MGAT4C: variants seen among roughly 807,000 people sequenced by gnomAD.
The protein encoded by MGAT4C is MGAT4 family member C, also known as alpha-1,3-mannosyl-glycoprotein 4-beta-N-acetylglucosaminyltransferase C.
In MGAT4C, 19 loss-of-function variants were observed where a neutral mutation model predicts 40.1. That is an observed-to-expected ratio of 0.47 (90% CI 0.33 to 0.70). MGAT4C has a LOEUF of 0.70. MGAT4C is among the 30% of genes least tolerant of loss of function. The pLI is 0.02. For synonymous variants in MGAT4C, 181 were observed against 187.1 expected, an observed-to-expected ratio of 0.97 and a Z score of 0.27; for missense variants, 491 against 563.2, an observed-to-expected ratio of 0.87 and a Z score of 1.30.
chr12:86,629,066 C>A (rs565744478), intron 2 of MGAT4C, among the ~76,000 whole-genome samples: 3 of 151,542 alleles, frequency 2.0e-5, no homozygotes, highest in African/African-American at 7.3e-5. Context: ...GAAGATCTAC[C>A]AAGCAAATGG....
At chr12:86,314,285 G>A (rs143082202) in intron 4 of MGAT4C, among the ~76,000 whole-genome samples, 3 of 152,186 alleles carry the variant, frequency 2.0e-5, no homozygotes, top group Non-Finnish European at 2.9e-5. Context: ...GGCTGGGCGC[G>A]GTGGCTCACA....
At chr12:86,565,229 T>C (rs1960039325) in intron 2 of MGAT4C, among the ~76,000 whole-genome samples, 1 of 152,034 alleles carries the variant, frequency 6.6e-6, no homozygotes, top group Non-Finnish European at 1.5e-5. Flanking sequence ...ATATATGTGA[T>C]CAGGCTCAAG....
rs558850588 is a variant in MGAT4C, at chr12:86,283,233, T to C, written c.-57+50832A>G. On this transcript the variant is annotated intron_variant, in intron 4 of 7. Coordinates refer to the MGAT4C transcript ENST00000548651. Reference sequence around the variant, plus strand: ...CTTCCAAATAGAAAAGTGATGTAACTGTGAGGTTCACCTCTTGTACTTCTC... The same window carrying C: ...CTTCCAAATAGAAAAGTGATGTAACCGTGAGGTTCACCTCTTGTACTTCTC... Among the ~76,000 whole-genome samples, 18 of 152,202 alleles carry C rather than the reference T, an allele frequency of 1.2e-4. No individual in the cohort carries two copies. In the South Asian group the frequency reaches 3.5e-3, roughly 30 times the overall value.
chr12:86,817,868 T>C (rs997085985), intron 1 of MGAT4C, among the ~76,000 whole-genome samples: 11 of 151,456 alleles, frequency 7.3e-5, no homozygotes, highest in Non-Finnish European at 1.6e-4. Context: ...TACACTAGGA[T>C]AGAGTGTGGG....
Position 85,972,186 on chromosome 12 carries a change from G to T in MGAT4C, c.*7103C>A, listed in dbSNP as rs1883649518. ...TGATATGACTGATTACCAAATTATG[G>T]TGGGTAAAGATGCCACATGCAACAG... is the stretch of plus-strand genomic sequence containing the variant. On this transcript the variant is annotated 3_prime_UTR_variant, in exon 5 of 5. Transcript: ENST00000611864. 2 of 151,034 alleles carry T rather than the reference G, an allele frequency of 1.3e-5. No homozygotes were observed. The highest frequency in any genetic ancestry group is 1.3e-4 in the Admixed American group (2 of 15,112). The allele number at this position is 151,034 out of a possible 1,614,324, so 9.4% of individuals were successfully genotyped here.
rs1435454504 is a variant in MGAT4C at position 86,702,023 on chromosome 12, C to G, written c.-229+25186G>C. On this transcript the variant is annotated intron_variant, in intron 2 of 7. Transcript: ENST00000548651. ...CATTGATGAAGATAGCTACACTAAA[C>G]AACATATTTTTTTCTCTCAAATAAG... Among the ~76,000 whole-genome samples, 3 of 152,032 alleles carry G rather than the reference C, an allele frequency of 2.0e-5. No homozygotes were observed. In the East Asian group the frequency reaches 5.8e-4, roughly 29 times the overall value.
intron 4 of MGAT4C, among the ~76,000 whole-genome samples, chr12:86,327,306 A>AT (rs1242033011): frequency 6.6e-6 from 1 of 151,978 alleles, no homozygotes; most frequent in Non-Finnish European, 1.5e-5. Flanking sequence ...TTAATTTTGG[A>AT]TTTTTTAATT....
intron 2 of MGAT4C, among the ~76,000 whole-genome samples, chr12:85,994,240 C>T (rs946300408): frequency 2.6e-4 from 40 of 152,202 alleles, no homozygotes; most frequent in Admixed American, 1.2e-3. Flanking sequence ...AGAATAATGA[C>T]AGTCGTCTAA....
intron 2 of MGAT4C, among the ~76,000 whole-genome samples, chr12:86,447,592 G>A (rs540435687): frequency 1.3e-5 from 2 of 151,940 alleles, no homozygotes; most frequent in South Asian, 2.1e-4. Flanking sequence ...AGTAAAATAA[G>A]TTAGAGAGTA....
At chr12:86,774,319 C>CTTTCTTTCTTTCTTTCTTTCTTTCTTCT (rs1555227779) in intron 1 of MGAT4C, among the ~76,000 whole-genome samples, 1 of 93,620 alleles carries the variant, frequency 1.1e-5, no homozygotes, top group Non-Finnish European at 2.2e-5. Flanking sequence ...TTCTTTCTTT[C>CTTTCTTTCTTTCTTTCTTTCTTTCTTCT]TTTCTTTCTT....
At chr12:86,031,899 T>G (rs1890789377) in intron 2 of MGAT4C, among the ~76,000 whole-genome samples, 1 of 151,860 alleles carries the variant, frequency 6.6e-6, no homozygotes, top group Non-Finnish European at 1.5e-5. Flanking sequence ...GGTAGTTTTT[T>G]GATCCTCATC....
chr12:86,708,338 C>T (rs1431211888), intron 2 of MGAT4C, among the ~76,000 whole-genome samples: 1 of 152,226 alleles, frequency 6.6e-6, no homozygotes, highest in Admixed American at 6.5e-5. Context: ...ATTTGGGAAC[C>T]TCTGCTTAGA....
intron 3 of MGAT4C, among the ~76,000 whole-genome samples, chr12:86,339,865 A>G (rs890168128): frequency 6.6e-6 from 1 of 152,096 alleles, no homozygotes; most frequent in Non-Finnish European, 1.5e-5. Context: ...ATCTTTTCCA[A>G]ATCTTAGATT....
chr12:86,611,754 AT>A (rs1461472755), intron 2 of MGAT4C, among the ~76,000 whole-genome samples: 7 of 151,996 alleles, frequency 4.6e-5, no homozygotes, highest in Non-Finnish European at 8.8e-5. Context: ...GTTATACTTT[AT>A]TTATGGTGTT....
intron 1 of MGAT4C, among the ~76,000 whole-genome samples, chr12:86,762,821 CAGACAAATAAA>C (rs1390497668): frequency 1.3e-5 from 2 of 152,100 alleles, no homozygotes; most frequent in Non-Finnish European, 2.9e-5. Context: ...AGGTTCAAAA[CAGACAAATAAA>C]AGAGCCATAT....
intron 1 of MGAT4C, among the ~76,000 whole-genome samples, chr12:86,251,114 AG>A (rs1276811268): frequency 7.1e-6 from 1 of 141,788 alleles, no homozygotes; most frequent in Non-Finnish European, 1.5e-5. Context: ...CTTACGAGGT[AG>A]GTACTTTTAT....
chr12:86,714,299 G>A (rs576876983), intron 2 of MGAT4C, among the ~76,000 whole-genome samples: 1 of 152,154 alleles, frequency 6.6e-6, no homozygotes, highest in East Asian at 1.9e-4. Flanking sequence ...ATGTTCTTGT[G>A]TTATGTTCTC....
intron 1 of MGAT4C, among the ~76,000 whole-genome samples, chr12:86,823,463 A>T (rs1323690294): frequency 2.0e-5 from 3 of 151,386 alleles, no homozygotes; most frequent in African/African-American, 7.2e-5. Flanking sequence ...TACGGAAAAA[A>T]AATTAACAGA....
chr12:86,391,587 A>G (rs11103946), intron 3 of MGAT4C, among the ~76,000 whole-genome samples: 135,499 of 152,216 alleles, frequency 0.89, 60,521 homozygotes, highest in East Asian at 1. Context: ...GGCCAGGTGC[A>G]GTGGCTCACG....
Sources: allele counts gnomAD v4.1 joint callset (sites outside exome capture counted in the v4.1 genomes callset), GRCh38; gene constraint gnomAD v4.1.1; transcripts MANE v1.5; gene names NCBI Gene and HGNC (gene_info 2026-07-23, HGNC 2026-07-21).